Variants in SCRN1 observed in about 807,000 individuals in gnomAD.
SCRN1 encodes secernin-1.
Under a neutral mutation model 43.3 loss-of-function variants are expected in SCRN1, and 19 were observed. The ratio of observed to expected loss-of-function variants is 0.44; its 90% CI spans 0.31 to 0.64. The LOEUF is 0.64. Ranked by LOEUF, SCRN1 falls within the 30% of genes least tolerant of loss-of-function variation. SCRN1 has a pLI of 0.09. For synonymous variants in SCRN1, 183 were observed against 188.9 expected (o/e 0.97, Z 0.26); for missense variants, 447 against 524.1 (o/e 0.85, Z 1.44).
rs946411408 is a variant in SCRN1 at position 29,989,593 on chromosome 7, G to A, written c.-2+49C>T. 13 of 985,698 alleles carry A rather than the reference G, an allele frequency of 1.3e-5. No homozygotes were observed. The African/African-American group carries it at 2.3e-4, about 17-fold the overall frequency. The allele number at this position is 985,698 out of a possible 1,614,324, so 61.1% of individuals were successfully genotyped here. A position where few individuals can be genotyped will look rare whatever the true frequency, so the allele number is the denominator to read the frequency against. On this transcript the variant is annotated intron_variant, in intron 1 of 7. Coordinates refer to ENST00000242059, the MANE Select transcript of SCRN1 (RefSeq NM_014766.5). ...TGGCGATGGCGGGTGGGGTGAAACC[G>A]CCGGGAAAGCAGCGCTGCAAACGCC... is the stretch of plus-strand genomic sequence containing the variant.
At chr7:29,962,385 G>A (rs940374996) in intron 2 of SCRN1, among the ~76,000 whole-genome samples, 1 of 151,782 alleles carries the variant, frequency 6.6e-6, no homozygotes, top group Non-Finnish European at 1.5e-5. Context: ...CAGGACACAT[G>A]TTTAAAATGT....
intron 2 of SCRN1, among the ~76,000 whole-genome samples, chr7:29,958,170 G>A (rs758046882): frequency 5.9e-5 from 9 of 152,112 alleles, no homozygotes; most frequent in Non-Finnish European, 1.0e-4. Flanking sequence ...TCTTTGTCAC[G>A]GGCCACAGAG....
intron 1 of SCRN1, among the ~76,000 whole-genome samples, chr7:29,979,893 G>A (rs951148590): frequency 6.6e-6 from 1 of 152,092 alleles, no homozygotes; most frequent in Non-Finnish European, 1.5e-5. Flanking sequence ...TCCTATACAT[G>A]GCAGGTTGGA....
chr7:29,969,237 A>G, intron 1 of SCRN1, 169 bp from the exon 2 acceptor site: 2 of 636,520 alleles, frequency 3.1e-6, no homozygotes, highest in Non-Finnish European at 5.2e-6. Flanking sequence ...CCTGCAGTGG[A>G]ATGACAGAGC....
chr7:29,929,212 G>C (rs1317020990), intron 6 of SCRN1, among the ~76,000 whole-genome samples: 1 of 152,198 alleles, frequency 6.6e-6, no homozygotes, highest in African/African-American at 2.4e-5. Flanking sequence ...CCCAGAGTCA[G>C]CTCGGTTCAC....
chr7:29,990,269 C>G (rs1193091151), upstream of SCRN1: 1 of 1,551,342 alleles, frequency 6.4e-7, no homozygotes, highest in Non-Finnish European at 8.7e-7. Context: ...GTCCCAGGTA[C>G]TTGGACATTG....
At chr7:29,924,639 G>A (rs542477071) in intron 7 of SCRN1, among the ~76,000 whole-genome samples, 31 of 152,308 alleles carry the variant, frequency 2.0e-4, no homozygotes, top group Middle Eastern at 3.4e-3. Flanking sequence ...CTCTGCAGCT[G>A]TGGCCCCTTG....
intron 3 of SCRN1, 67 bp from the exon 4 acceptor site, chr7:29,944,246 A>C: frequency 6.8e-7 from 1 of 1,475,194 alleles, no homozygotes; most frequent in Non-Finnish European, 9.5e-7. Flanking sequence ...TAGAGTAACC[A>C]AAGACTGGGC....
rs1325682612 is a variant in SCRN1 at position 29,926,514 on chromosome 7, C to CA, written c.1023_1024insT (p.Asp342Ter). On this transcript the variant is annotated frameshift_variant, in exon 7 of 8. Coordinates refer to ENST00000242059, the MANE Select transcript of SCRN1 (RefSeq NM_014766.5). LOFTEE classifies it high-confidence loss of function. Reference sequence around the variant, plus strand: ...GCTTTGTACAGCTCATGCCGGCGGTCTGGTTTCTCCTGGAACCGAGGCTCC... The same window carrying CA: ...GCTTTGTACAGCTCATGCCGGCGGTCATGGTTTCTCCTGGAACCGAGGCTCC... The CA allele has an allele frequency of 1.2e-6, 2 of 1,614,160 alleles. No homozygotes were observed.
intron 6 of SCRN1, among the ~76,000 whole-genome samples, chr7:29,934,523 G>A (rs779987232): frequency 6.6e-6 from 1 of 152,190 alleles, no homozygotes; most frequent in Non-Finnish European, 1.5e-5. Flanking sequence ...ATGTCCATAT[G>A]TACCCCTGTC....
At chr7:29,926,136 A>T in intron 7 of SCRN1, among the ~76,000 whole-genome samples, 1 of 152,334 alleles carries the variant, frequency 6.6e-6, no homozygotes, top group East Asian at 1.9e-4. Flanking sequence ...ACAATATATA[A>T]CAGTTATCCC....
chr7:29,975,793 T>C (rs1477364600), intron 1 of SCRN1, among the ~76,000 whole-genome samples: 1 of 152,228 alleles, frequency 6.6e-6, no homozygotes, highest in Non-Finnish European at 1.5e-5. Context: ...CAGTTCTAAT[T>C]AATGAAACAC....
intron 5 of SCRN1, among the ~76,000 whole-genome samples, chr7:29,938,175 T>A (rs1787405349): frequency 6.6e-6 from 1 of 152,150 alleles, no homozygotes; most frequent in Admixed American, 6.5e-5. Flanking sequence ...ACTACAGGCA[T>A]GCACCACCAC....
At chr7:29,983,282 CTTTATGGTGGGG>C (rs1339770936) in intron 1 of SCRN1, among the ~76,000 whole-genome samples, 159 of 121,794 alleles carry the variant, frequency 1.3e-3, no homozygotes, top group African/African-American at 5.1e-3. Context: ...ACTCTTAAGA[CTTTATGGTGGGG>C]ACTGTGGTGG....
chr7:29,952,444 C>G (rs1038177020), intron 3 of SCRN1, among the ~76,000 whole-genome samples: 3 of 152,166 alleles, frequency 2.0e-5, no homozygotes, highest in African/African-American at 7.2e-5. Context: ...AATCCCAGCA[C>G]TCTGAGAGGC....
chr7:29,969,429 T>A (rs1426781438), intron 1 of SCRN1, among the ~76,000 whole-genome samples: 3 of 152,136 alleles, frequency 2.0e-5, no homozygotes, highest in Non-Finnish European at 4.4e-5. Flanking sequence ...AGTAATAAAA[T>A]AATAAATAAA....
At chr7:29,986,717 A>ATTTTTTTTTTTTTTTTTT (rs553845779) in intron 1 of SCRN1, among the ~76,000 whole-genome samples, 4 of 99,850 alleles carry the variant, frequency 4.0e-5, no homozygotes, top group East Asian at 2.8e-4. Flanking sequence ...AATTTTTTTA[A>ATTTTTTTTTTTTTTTTTT]TTTTTTTTTT....
chr7:29,957,577 T>C (rs1788174662), intron 2 of SCRN1, among the ~76,000 whole-genome samples: 1 of 152,222 alleles, frequency 6.6e-6, no homozygotes, highest in Non-Finnish European at 1.5e-5. Flanking sequence ...TTCACTGACA[T>C]GCCCCAAGTC....
intron 1 of SCRN1, among the ~76,000 whole-genome samples, chr7:29,987,700 G>C (rs1261497785): frequency 6.6e-6 from 1 of 152,154 alleles, no homozygotes; most frequent in African/African-American, 2.4e-5. Context: ...CCCATTGCTC[G>C]AAGTGTTTGC....
Sources: gnomAD v4.1 joint callset for allele counts (sites outside exome capture counted in the v4.1 genomes callset) on GRCh38, gnomAD v4.1.1 for gene constraint, MANE v1.5 for transcripts, NCBI Gene and HGNC (gene_info 2026-07-23, HGNC 2026-07-21) for gene names.